The following SPATA13 variants were observed in gnomAD, a reference collection of about 807,000 sequenced individuals.
SPATA13 encodes spermatogenesis-associated protein 13.
SPATA13 carries 50 observed loss-of-function variants against 104.0 expected under a neutral mutation model. The ratio of observed to expected loss-of-function variants is 0.48; its 90% CI spans 0.38 to 0.61. The LOEUF (loss-of-function observed/expected upper bound fraction) is 0.61, where lower values mean the gene tolerates loss of function less well. Ranked by LOEUF, SPATA13 falls within the 20% of genes least tolerant of loss-of-function variation. The pLI, the probability that SPATA13 is intolerant of heterozygous loss-of-function variation, is 0.00. For missense variants in SPATA13, 1,524 were observed against 1,690.6 expected (o/e 0.90, Z 1.73); for synonymous variants, 606 against 667.5 (o/e 0.91, Z 1.42).
chr13:24,018,896 T>C (rs982752042), intron 3 of SPATA13, among the ~76,000 whole-genome samples: 3 of 152,182 alleles, frequency 2.0e-5, no homozygotes, highest in Non-Finnish European at 4.4e-5. Context: ...ACTCGAGAAA[T>C]AATTATGACA....
In SPATA13 at chr13:24,189,641, A is replaced by ATATAT. The variant is rs1555267532; in HGVS notation, c.-112+28710_-112+28714dup. Among the ~76,000 whole-genome samples the ATATAT allele has an allele frequency of 2.1e-3, 38 of 17,920 alleles. 1 individual carries two copies. Among genetic ancestry groups the ATATAT allele is most frequent in the South Asian group, 7.9e-3 (4 of 508 alleles). The allele number at this position is 17,920 out of a possible 152,430, so 11.8% of individuals were successfully genotyped here. On this transcript the variant is annotated intron_variant, in intron 1 of 12. Coordinates refer to ENST00000382108, the MANE Select transcript of SPATA13 (RefSeq NM_001166271.3). ...ATTTATTATATAAATATATATATTT[A>ATATAT]TATATATATTATATATTATATATTT...
chr13:24,162,307 C>T (rs1335331003), intron 1 of SPATA13: 1 of 153,918 alleles, frequency 6.5e-6, no homozygotes, highest in Non-Finnish European at 1.5e-5. Context: ...CCTACTTCTC[C>T]CTGGCAGGCG....
chr13:24,286,948 G>C lies in SPATA13; in HGVS notation c.2665G>C (p.Glu889Gln). The C allele has an allele frequency of 6.2e-7, 1 of 1,612,398 alleles. No homozygotes were observed. Among genetic ancestry groups the C allele is most frequent in the Non-Finnish European group, 8.5e-7 (1 of 1,179,040 alleles). ...VYIKHLRDIC[E>Q]GYIRQCRKHT... ...CATCAAACACCTCAGGGACATCTGT[G>C]AGGTGGGACGCCAGGCTGGGACCTC... Residue 889 changes from glutamate to glutamine, a missense_variant and splice_region_variant, in exon 7 of 13, where the codon GAG becomes CAG. Glu to Gln is a conservative substitution (Grantham distance 29). Coordinates refer to ENST00000382108, the MANE Select transcript of SPATA13 (RefSeq NM_001166271.3). This position sits in a 1 kb window ranked among gnomAD's most constrained non-coding sequence, Gnocchi z 4.9.
chr13:24,247,572 C>T (rs769765514), intron 2 of SPATA13, among the ~76,000 whole-genome samples: 15 of 147,206 alleles, frequency 1.0e-4, no homozygotes, highest in Non-Finnish European at 1.8e-4. Flanking sequence ...TTCCACCTCC[C>T]GTGTTCAAGT....
chr13:24,143,843 A>G (rs1203546039), intron 3 of SPATA13, among the ~76,000 whole-genome samples: 1 of 152,246 alleles, frequency 6.6e-6, no homozygotes, highest in East Asian at 1.9e-4. Context: ...TTGGAGGAAC[A>G]TGTGACACTT....
intron 3 of SPATA13, among the ~76,000 whole-genome samples, chr13:24,102,115 A>G (rs1255953575): frequency 1.3e-5 from 2 of 152,182 alleles, no homozygotes; most frequent in Non-Finnish European, 2.9e-5. Flanking sequence ...GTAGGGTTCC[A>G]ATTTCTTCAC....
chr13:24,077,653 G>T (rs889782346), intron 3 of SPATA13, among the ~76,000 whole-genome samples: 1 of 152,102 alleles, frequency 6.6e-6, no homozygotes. Context: ...ACAGAATATG[G>T]AATTTGGATT....
intron 3 of SPATA13, among the ~76,000 whole-genome samples, chr13:24,082,826 CAAAAAAAAAA>C (rs3075296): frequency 3.9e-3 from 194 of 50,066 alleles, no homozygotes; most frequent in African/African-American, 0.016. Flanking sequence ...GACTCCGTCT[CAAAAAAAAAA>C]AAAAAAAAAA....
chr13:24,036,627 C>T (rs1205080688), intron 3 of SPATA13, among the ~76,000 whole-genome samples: 1 of 152,082 alleles, frequency 6.6e-6, no homozygotes, highest in Non-Finnish European at 1.5e-5. Flanking sequence ...ATTTGCAGCC[C>T]AGCCCTCCCT....
At chr13:24,033,232 A>G (rs889848277) in intron 3 of SPATA13, among the ~76,000 whole-genome samples, 4 of 152,232 alleles carry the variant, frequency 2.6e-5, no homozygotes, top group African/African-American at 7.2e-5. Flanking sequence ...CTCAAAACAT[A>G]GAATTTCAAA....
chr13:24,042,371 C>T (rs1877964274), intron 3 of SPATA13, among the ~76,000 whole-genome samples: 1 of 152,210 alleles, frequency 6.6e-6, no homozygotes, highest in Admixed American at 6.5e-5. Context: ...GCCAATGATG[C>T]AGTTCTAGCC....
At chr13:24,229,844 C>T (rs1416065359) in intron 2 of SPATA13, among the ~76,000 whole-genome samples, 1 of 152,130 alleles carries the variant, frequency 6.6e-6, no homozygotes, top group Non-Finnish European at 1.5e-5. Context: ...TGTGGTGATG[C>T]CAATGAAGTT....
At chr13:24,289,902 G>A (rs1178428426) in intron 8 of SPATA13, among the ~76,000 whole-genome samples, 1 of 152,214 alleles carries the variant, frequency 6.6e-6, no homozygotes, top group Non-Finnish European at 1.5e-5. Context: ...GCTGGGCTCA[G>A]TAGCTGTCTA....
chr13:24,245,611 A>G (rs1468401209), intron 2 of SPATA13, among the ~76,000 whole-genome samples: 1 of 88,298 alleles, frequency 1.1e-5, no homozygotes, highest in Non-Finnish European at 2.2e-5. Context: ...TTTTTTTTAG[A>G]CAACAGGTCT....
chr13:24,219,282 A>G (rs1440629503), intron 1 of SPATA13, among the ~76,000 whole-genome samples: 1 of 152,210 alleles, frequency 6.6e-6, no homozygotes, highest in Non-Finnish European at 1.5e-5. Flanking sequence ...CATAATTTTC[A>G]GTTTCATTCT....
At chr13:24,067,591 A>G (rs753969641) in intron 3 of SPATA13, among the ~76,000 whole-genome samples, 1 of 152,246 alleles carries the variant, frequency 6.6e-6, no homozygotes, top group Non-Finnish European at 1.5e-5. Context: ...GAAAATTGAA[A>G]CTAATATTTC....
At chr13:24,032,373 T>A (rs1877515494) in intron 3 of SPATA13, among the ~76,000 whole-genome samples, 1 of 152,258 alleles carries the variant, frequency 6.6e-6, no homozygotes, top group African/African-American at 2.4e-5. Context: ...TTTCTCACTG[T>A]GATGTAACAA....
At chr13:24,209,839 C>T (rs968618691) in intron 1 of SPATA13, among the ~76,000 whole-genome samples, 6 of 152,140 alleles carry the variant, frequency 3.9e-5, no homozygotes, top group African/African-American at 1.4e-4. Context: ...GAGGCGCCTC[C>T]ATGCTGTTTT....
intron 1 of SPATA13, among the ~76,000 whole-genome samples, chr13:23,980,101 G>A (rs1214875655): frequency 6.6e-6 from 1 of 152,162 alleles, no homozygotes; most frequent in Admixed American, 6.5e-5. Flanking sequence ...GGTGCGGTGA[G>A]GTTAGAGAAG....
Sources: allele counts gnomAD v4.1 joint callset (sites outside exome capture counted in the v4.1 genomes callset), GRCh38; gene constraint gnomAD v4.1.1; non-coding constraint Gnocchi (gnomAD v3.1); transcripts MANE v1.5; gene names NCBI Gene and HGNC (gene_info 2026-07-23, HGNC 2026-07-21).